CDH23: variants seen among roughly 807,000 people sequenced by gnomAD.
CDH23 encodes the protein cadherin related 23.
In CDH23, 189 loss-of-function variants were observed where a neutral mutation model predicts 317.1. The ratio of observed to expected loss-of-function variants is 0.60; its 90% CI spans 0.53 to 0.67. The LOEUF (loss-of-function observed/expected upper bound fraction) is 0.67. Ranked by LOEUF, CDH23 falls within the 30% of genes least tolerant of loss-of-function variation. The probability of loss-of-function intolerance (pLI) is 0.00; values close to 1 mark genes in which losing one functional copy is unlikely to be tolerated. For missense variants in CDH23, 4,401 were observed against 4,592.4 expected (o/e 0.96, Z 1.20); for synonymous variants, 1,839 against 1,876.8 (o/e 0.98, Z 0.52).
chr10:71,510,915 C>A (rs201652246), intron 4 of CDH23, 39 bp from the exon 5 acceptor site: 1 of 1,611,738 alleles, frequency 6.2e-7, no homozygotes, highest in South Asian at 1.1e-5. Flanking sequence ...ACCTCAGCAC[C>A]GCCTAACTGC....
chr10:71,695,595 T>A, intron 22 of CDH23, 70 bp downstream of exon 22: 7 of 1,086,790 alleles, frequency 6.4e-6, no homozygotes, highest in Non-Finnish European at 9.9e-6. Flanking sequence ...CCCACTGCGA[T>A]TCCAGGGGGC....
At chr10:71,637,321 G>C (rs945968810) in intron 11 of CDH23, among the ~76,000 whole-genome samples, 1 of 151,980 alleles carries the variant, frequency 6.6e-6, no homozygotes, top group African/African-American at 2.4e-5. Context: ...TTTCATTTCT[G>C]GCCATGGTCT....
At chr10:71,680,663 A>G (rs1270569417) in intron 17 of CDH23, among the ~76,000 whole-genome samples, 2 of 143,454 alleles carry the variant, frequency 1.4e-5, no homozygotes, top group Non-Finnish European at 3.0e-5. Flanking sequence ...CAGGAGAATC[A>G]CTTGAACCTG....
chr10:71,403,036 G>A (rs1033174511), intron 1 of CDH23, among the ~76,000 whole-genome samples: 1 of 152,092 alleles, frequency 6.6e-6, no homozygotes, highest in Admixed American at 6.5e-5. Context: ...GCAGGAGAAT[G>A]GGGTGAACCC....
rs1396810374 is a variant in CDH23 at position 71,760,213 on chromosome 10, ATATATG to A, written c.4846-17465_4846-17460del. Among the ~76,000 whole-genome samples the A allele has an allele frequency of 1.5e-4, 8 of 54,780 alleles. 2 individuals are homozygous for A. Among genetic ancestry groups the A allele is most frequent in the South Asian group, 1.5e-3 (2 of 1,356 alleles). 35.9% of individuals were successfully genotyped at this position (54,780 alleles called of 152,430 possible). A position where few individuals can be genotyped will look rare whatever the true frequency, so the allele number is the denominator to read the frequency against. On this transcript the variant is annotated intron_variant, in intron 38 of 69. Coordinates refer to ENST00000224721, the MANE Select transcript of CDH23 (RefSeq NM_022124.6). ...TATGTATATACATATATATGTGTGT[ATATATG>A]TGTATATATATGTATATACATATAT...
chr10:71,734,189 G>A (rs1377823822), intron 32 of CDH23, 51 bp from the exon 33 acceptor site: 2 of 1,474,560 alleles, frequency 1.4e-6, no homozygotes, highest in Admixed American at 3.8e-5. Context: ...AATGACCAGG[G>A]TTAACAAGGG....
intron 14 of CDH23, among the ~76,000 whole-genome samples, chr10:71,654,707 C>T (rs537436920): frequency 2.6e-5 from 4 of 152,256 alleles, no homozygotes; most frequent in East Asian, 1.9e-4. Context: ...TGAGTGCAGC[C>T]GGACTGTGGC....
At chr10:71,540,199 C>T (rs747109844) in intron 6 of CDH23, among the ~76,000 whole-genome samples, 9 of 152,142 alleles carry the variant, frequency 5.9e-5, no homozygotes, top group South Asian at 2.1e-4. Context: ...CCGAGGCTCA[C>T]GTGCAGACCA....
At chr10:71,619,945 T>TA (rs1165584182) in intron 11 of CDH23, among the ~76,000 whole-genome samples, 1 of 152,086 alleles carries the variant, frequency 6.6e-6, no homozygotes, top group Non-Finnish European at 1.5e-5. Flanking sequence ...TTCATTTGTT[T>TA]AAAAAAACAA....
intron 53 of CDH23, 138 bp downstream of exon 53, chr10:71,800,893 G>A: frequency 8.3e-7 from 1 of 1,203,400 alleles, no homozygotes; most frequent in Non-Finnish European, 1.2e-6. Flanking sequence ...ACAGAAAGGA[G>A]AAGGCAAGAG....
chr10:71,673,191 T>G (rs535234954), intron 14 of CDH23, among the ~76,000 whole-genome samples: 1 of 152,366 alleles, frequency 6.6e-6, no homozygotes, highest in East Asian at 1.9e-4. Flanking sequence ...GTCTGTGCTG[T>G]GCAGTGAGCC....
In CDH23 at chr10:71,571,656, T is replaced by C. The variant is rs560028089; in HGVS notation, c.753+738T>C. 3.3e-5 allele frequency among the ~76,000 whole-genome samples: 5 copies of C among 152,276 alleles called. No homozygotes were observed. In the South Asian group the frequency reaches 8.3e-4, roughly 25 times the overall value. ...TAACCATTCGTGCGTCTGTGCAAAC[T>C]TGAATGCAACACCGGCTGTGGGTGG... is the stretch of plus-strand genomic sequence containing the variant. On this transcript the variant is annotated intron_variant, in intron 8 of 69. Transcript: ENST00000224721.
chr10:71,660,338 GT>G (rs1480186276), intron 14 of CDH23, among the ~76,000 whole-genome samples: 1 of 152,168 alleles, frequency 6.6e-6, no homozygotes, highest in Admixed American at 6.5e-5. Context: ...CCCAAAAACA[GT>G]TGTTTAAATA....
At chr10:71,715,626 G>C (rs1866180095) in intron 28 of CDH23, 1 of 264,752 alleles carries the variant, frequency 3.8e-6, no homozygotes, top group Middle Eastern at 1.0e-3. Context: ...TCTAGGAGGT[G>C]GTTACGAGCC....
intron 2 of CDH23, among the ~76,000 whole-genome samples, chr10:71,444,155 G>A (rs1455793306): frequency 1.3e-5 from 2 of 152,190 alleles, no homozygotes; most frequent in African/African-American, 2.4e-5. Flanking sequence ...CCTTCCCGTC[G>A]GCTGCAAAGG....
chr10:71,659,231 T>C (rs1863543435), intron 14 of CDH23, among the ~76,000 whole-genome samples: 1 of 152,074 alleles, frequency 6.6e-6, no homozygotes, highest in Admixed American at 6.5e-5. Flanking sequence ...CAGAATGAGT[T>C]TGTAAATGCT....
At chr10:71,619,161 C>G (rs1243543411) in intron 11 of CDH23, among the ~76,000 whole-genome samples, 1 of 151,946 alleles carries the variant, frequency 6.6e-6, no homozygotes, top group African/African-American at 2.4e-5. Context: ...ACGGTGAAAC[C>G]CCATCTCTAC....
chr10:71,526,508 G>C lies in CDH23; in HGVS notation c.429+15296G>C, dbSNP rs546425236. Among the ~76,000 whole-genome samples the C allele has an allele frequency of 6.6e-5, 10 of 152,360 alleles. No individual in the cohort carries two copies. The East Asian group carries it at 1.9e-3, about 29-fold the overall frequency. Reference sequence around the variant, plus strand: ...ATGAAGGAGGAAGGGGCAGGGCACAGGCCTGGCATGGGCTCAGATAGACCG... The same window carrying C: ...ATGAAGGAGGAAGGGGCAGGGCACACGCCTGGCATGGGCTCAGATAGACCG... On this transcript the variant is annotated intron_variant, in intron 6 of 69. Coordinates refer to ENST00000224721, the MANE Select transcript of CDH23 (RefSeq NM_022124.6).
chr10:71,459,906 TC>T (rs761637637), intron 3 of CDH23, among the ~76,000 whole-genome samples: 1 of 152,172 alleles, frequency 6.6e-6, no homozygotes, highest in African/African-American at 2.4e-5. Context: ...GGTGGCCAGC[TC>T]TTGTAGCTGG....
Sources: allele counts gnomAD v4.1 joint callset (sites outside exome capture counted in the v4.1 genomes callset), GRCh38; gene constraint gnomAD v4.1.1; transcripts MANE v1.5; gene names NCBI Gene and HGNC (gene_info 2026-07-23, HGNC 2026-07-21).